The following IFT80 variants were observed in gnomAD, a reference collection of about 807,000 sequenced individuals.
IFT80 encodes intraflagellar transport protein 80 homolog.
Under a neutral mutation model 107.9 loss-of-function variants are expected in IFT80, and 79 were observed. That is an observed-to-expected ratio of 0.73 (90% CI 0.61 to 0.88). The LOEUF is 0.88. Among genes scored for constraint, IFT80 ranks in the 40% least tolerant of loss-of-function variants. The probability of loss-of-function intolerance (pLI) is 0.00; values close to 1 mark genes in which losing one functional copy is unlikely to be tolerated. For synonymous variants in IFT80, 299 were observed against 300.9 expected (o/e 0.99, Z 0.07); for missense variants, 797 against 914.2 (o/e 0.87, Z 1.65).
At chr3:160,279,426 T>C (rs1286627476) in intron 15 of IFT80, 62 bp from the exon 16 acceptor site, 3 of 1,410,262 alleles carry the variant, frequency 2.1e-6, no homozygotes, top group Non-Finnish European at 2.0e-6. Flanking sequence ...TTTTCATGTA[T>C]ATTAAATTTG....
chr3:160,295,728 C>A (rs976834002), intron 12 of IFT80, among the ~76,000 whole-genome samples: 1 of 152,116 alleles, frequency 6.6e-6, no homozygotes, highest in African/African-American at 2.4e-5. Flanking sequence ...TCACAATAAT[C>A]AAGATGTAGA....
intron 8 of IFT80, among the ~76,000 whole-genome samples, chr3:160,343,491 T>A (rs1376036958): frequency 6.6e-6 from 1 of 152,138 alleles, no homozygotes; most frequent in East Asian, 1.9e-4. Flanking sequence ...AATAACTATG[T>A]TAATTTGAAC....
At chr3:160,320,066 T>C (rs1718096881) in intron 8 of IFT80, 127 bp from the exon 9 acceptor site, 2 of 703,862 alleles carry the variant, frequency 2.8e-6, no homozygotes, top group South Asian at 1.8e-5. Context: ...ATTATTATTT[T>C]TCTTAATAAA....
intron 8 of IFT80, among the ~76,000 whole-genome samples, chr3:160,328,632 C>A (rs771651794): frequency 3.3e-5 from 5 of 151,846 alleles, no homozygotes; most frequent in African/African-American, 4.8e-5. Flanking sequence ...CCCAGTGATA[C>A]CATTACTGGG....
At chr3:160,368,051 G>T (rs995007192) in intron 5 of IFT80, among the ~76,000 whole-genome samples, 1 of 151,796 alleles carries the variant, frequency 6.6e-6, no homozygotes, top group Non-Finnish European at 1.5e-5. Context: ...TTGACTTTCT[G>T]TGAATCAACG....
intron 1 of IFT80, among the ~76,000 whole-genome samples, chr3:160,385,639 C>T (rs1712870223): frequency 6.6e-6 from 1 of 152,208 alleles, no homozygotes; most frequent in African/African-American, 2.4e-5. Context: ...TCTTCCAGTT[C>T]TCTTAAGGTG....
chr3:160,376,089 T>C (rs1328148770), intron 4 of IFT80, among the ~76,000 whole-genome samples: 2 of 152,224 alleles, frequency 1.3e-5, no homozygotes, highest in African/African-American at 4.8e-5. Context: ...AGAAATTACG[T>C]TGAAACGATT....
In IFT80 at chr3:160,377,554, C is replaced by A. The variant is rs758891506; in HGVS notation, c.260-14G>T. On this transcript the variant is annotated splice_polypyrimidine_tract_variant and intron_variant, in intron 3 of 19. Transcript: ENST00000326448. ...GATGAAATTTACCTGAAAGAAATTACATTTGAAAAATCTATTTTATTTATT... is the reference window on the plus strand; with the variant it reads ...GATGAAATTTACCTGAAAGAAATTAAATTTGAAAAATCTATTTTATTTATT... 6.9e-7 allele frequency: 1 copy of A among 1,451,214 alleles called. No individual in the cohort carries two copies. Among genetic ancestry groups the A allele is most frequent in the Non-Finnish European group, 9.7e-7 (1 of 1,032,798 alleles). The allele number at this position is 1,451,214 out of a possible 1,614,324, so 89.9% of individuals were successfully genotyped here.
chr3:160,293,092 GAATA>G (rs1489897364), intron 12 of IFT80, among the ~76,000 whole-genome samples: 1 of 152,164 alleles, frequency 6.6e-6, no homozygotes, highest in African/African-American at 2.4e-5. Flanking sequence ...GTAAAGAAAT[GAATA>G]AATGGGTTAT....
intron 10 of IFT80, among the ~76,000 whole-genome samples, chr3:160,306,262 C>T (rs1469955221): frequency 6.6e-6 from 1 of 152,106 alleles, no homozygotes; most frequent in Non-Finnish European, 1.5e-5. Flanking sequence ...TTTTAAGCAA[C>T]TTCTCTAATA....
At chr3:160,397,554 T>C (rs958604034) in intron 1 of IFT80, among the ~76,000 whole-genome samples, 11 of 152,178 alleles carry the variant, frequency 7.2e-5, no homozygotes, top group Non-Finnish European at 1.0e-4. Flanking sequence ...ACAGGTATTA[T>C]ATGCTAGTTT....
At position 160,381,741 on chromosome 3, in the gene IFT80, G is replaced by A; in HGVS notation, c.38-17C>T. ...ATTCTTGATGTGTCACCATGTTAAAGAGACATAAAACATACAAAAGTCTTT... is the reference window on the plus strand; with the variant it reads ...ATTCTTGATGTGTCACCATGTTAAAAAGACATAAAACATACAAAAGTCTTT... On this transcript the variant is annotated splice_polypyrimidine_tract_variant and intron_variant, in intron 2 of 19. Transcript: ENST00000326448. The A allele has an allele frequency of 8.2e-6, 13 of 1,593,552 alleles. No individual in the cohort carries two copies. The highest frequency in any genetic ancestry group is 1.1e-5 in the Non-Finnish European group (13 of 1,163,104).
intron 8 of IFT80, among the ~76,000 whole-genome samples, chr3:160,345,816 A>T (rs552698790): frequency 2.6e-5 from 4 of 152,048 alleles, no homozygotes; most frequent in Non-Finnish European, 5.9e-5. Flanking sequence ...AATGACTAAG[A>T]TCTACTATTA....
intron 8 of IFT80, among the ~76,000 whole-genome samples, chr3:160,342,015 C>A (rs1719932627): frequency 1.3e-5 from 2 of 152,184 alleles, no homozygotes; most frequent in Admixed American, 1.3e-4. Flanking sequence ...GTTTTTCTCA[C>A]TTCTGGCATA....
Position 160,375,819 on chromosome 3 carries a change from A to T in IFT80, c.432T>A (p.Ala144=). 1.2e-6 allele frequency: 2 copies of T among 1,610,282 alleles called. No individual in the cohort carries two copies. Among genetic ancestry groups the T allele is most frequent in the Non-Finnish European group, 1.7e-6 (2 of 1,177,102 alleles). Residue 144 remains alanine, a synonymous_variant, in exon 5 of 20, where the codon GCT becomes GCA. Coordinates refer to ENST00000326448, the MANE Select transcript of IFT80 (RefSeq NM_020800.3). ...GTCAATTGTAAAACATACCTTGCTG[A>T]GCTAAAGTTGATCTAAGCATCCCAG... ...SKTGMLRSTL[A]QQGTPVYSVA...
intron 13 of IFT80, among the ~76,000 whole-genome samples, chr3:160,284,038 C>T (rs1714902792): frequency 1.3e-5 from 2 of 152,198 alleles, no homozygotes; most frequent in South Asian, 2.1e-4. Flanking sequence ...TGAATTTCTT[C>T]CACATATAAA....
chr3:160,274,585 A>G (rs1336248183), intron 18 of IFT80: 1 of 152,236 alleles, frequency 6.6e-6, no homozygotes, highest in African/African-American at 2.4e-5. Context: ...AATCTGTAAG[A>G]GGAAAGACGA....
chr3:160,279,209 A>G lies in IFT80; in HGVS notation c.1820T>C (p.Leu607Pro), dbSNP rs1309228327. ...GTAAATTACCTTAACAAAGCGACAA[A>G]GTCTCACAGCATCTTCCCATTTTGA... ...SSSKWEDAVR[L>P]CRFVKEQTMW... is the part of the protein sequence containing the mutation. The change falls in exon 16 of 20, where the codon CTT (leucine) becomes CCT (proline). Residue 607 changes from leucine (L) to proline (P), a missense_variant. Physicochemically the swap from Leu to Pro is moderately conservative, Grantham distance 98. Transcript: ENST00000326448. 6.2e-7 allele frequency: 1 copy of G among 1,613,528 alleles called. No individual in the cohort carries two copies.
chr3:160,340,018 A>G (rs1046710580), intron 8 of IFT80, among the ~76,000 whole-genome samples: 1 of 152,166 alleles, frequency 6.6e-6, no homozygotes, highest in African/African-American at 2.4e-5. Context: ...ATCTCTCCAT[A>G]AAGGGCCATC....
Sources: allele counts gnomAD v4.1 joint callset (sites outside exome capture counted in the v4.1 genomes callset), GRCh38; gene constraint gnomAD v4.1.1; transcripts MANE v1.5; gene names NCBI Gene and HGNC (gene_info 2026-07-23, HGNC 2026-07-21).